The following RARB variants were observed in gnomAD, a reference collection of about 807,000 sequenced individuals.
RARB encodes retinoic acid receptor beta, also known as HBV-activated protein.
Under a neutral mutation model 51.9 loss-of-function variants are expected in RARB, and 17 were observed. The observed-to-expected ratio is 0.33, with a 90% CI of 0.22 to 0.49. The LOEUF (loss-of-function observed/expected upper bound fraction) is 0.49. RARB is among the 20% of genes least tolerant of loss of function. The probability of loss-of-function intolerance (pLI) is 0.99; values close to 1 mark genes in which losing one functional copy is unlikely to be tolerated. For synonymous variants in RARB, 215 were observed against 195.4 expected, an observed-to-expected ratio of 1.10 and a Z score of -0.84; for missense variants, 369 against 550.8, an observed-to-expected ratio of 0.67 and a Z score of 3.30.
chr3:25,490,184 G>A lies in RARB; in HGVS notation c.307-10998G>A, dbSNP rs550475355. Among the ~76,000 whole-genome samples the A allele has an allele frequency of 9.2e-5, 14 of 152,246 alleles. No homozygotes were observed. The East Asian group carries it at 2.7e-3, about 29-fold the overall frequency. ...TTTTTCCTTTTTACTCCAGGTTCGG[G>A]ATGGAACCATGTATAAGCGAGAAAA... is the stretch of plus-strand genomic sequence containing the variant. On this transcript the variant is annotated intron_variant, in intron 2 of 7. Transcript: ENST00000330688.
chr3:25,465,586 C>T (rs1010445305), intron 2 of RARB, among the ~76,000 whole-genome samples: 8 of 152,132 alleles, frequency 5.3e-5, no homozygotes, highest in African/African-American at 1.7e-4. Context: ...TGCAGCCATA[C>T]GATGGTGGTC....
chr3:25,164,119 G>A (rs1700522658), intron 4 of RARB, among the ~76,000 whole-genome samples: 1 of 152,164 alleles, frequency 6.6e-6, no homozygotes, highest in South Asian at 2.1e-4. Flanking sequence ...GAAGCATGAG[G>A]ATACAGTCTG....
chr3:25,539,938 G>A (rs1396509164), intron 3 of RARB, among the ~76,000 whole-genome samples: 1 of 151,766 alleles, frequency 6.6e-6, no homozygotes, highest in Non-Finnish European at 1.5e-5. Flanking sequence ...TCAAAAATAC[G>A]GTATTTATGG....
intron 1 of RARB, among the ~76,000 whole-genome samples, chr3:24,848,030 A>G (rs1469509006): frequency 1.3e-5 from 2 of 152,314 alleles, no homozygotes; most frequent in Non-Finnish European, 2.9e-5. Context: ...GTATCAATAC[A>G]TCTCCACTCC....
At chr3:25,014,959 A>G (rs9942010) in intron 2 of RARB, among the ~76,000 whole-genome samples, 14,807 of 152,150 alleles carry the variant, frequency 0.097, 2,345 homozygotes, top group African/African-American at 0.33. Context: ...ATTAAAACCA[A>G]TTGTATATCT....
At chr3:24,927,014 A>T (rs961388183) in intron 2 of RARB, among the ~76,000 whole-genome samples, 1 of 152,116 alleles carries the variant, frequency 6.6e-6, no homozygotes, top group South Asian at 2.1e-4. Context: ...ACTCTCAAAG[A>T]TGGAGAAGAA....
intron 1 of RARB, among the ~76,000 whole-genome samples, chr3:25,454,001 A>G (rs1694756453): frequency 1.3e-5 from 2 of 152,208 alleles, no homozygotes. Context: ...ACAGATTTGC[A>G]AAACCCATGT....
chr3:25,169,262 C>A (rs557333719), intron 4 of RARB, among the ~76,000 whole-genome samples: 4 of 151,892 alleles, frequency 2.6e-5, no homozygotes, highest in African/African-American at 9.7e-5. Flanking sequence ...ATGGGGATTC[C>A]GAAAAAAGAG....
chr3:25,351,633 C>T (rs1034047307), intron 5 of RARB, among the ~76,000 whole-genome samples: 13 of 152,132 alleles, frequency 8.5e-5, no homozygotes, highest in African/African-American at 2.9e-4. Context: ...GACACTTGGG[C>T]GTTTTCAAAA....
intron 3 of RARB, among the ~76,000 whole-genome samples, chr3:25,125,124 G>C (rs773880222): frequency 2.8e-4 from 42 of 152,078 alleles, no homozygotes; most frequent in Non-Finnish European, 5.4e-4. Flanking sequence ...AAAAAATATT[G>C]ATTTTTTTCT....
At chr3:25,026,332 A>G (rs1375993383) in intron 2 of RARB, among the ~76,000 whole-genome samples, 1 of 152,202 alleles carries the variant, frequency 6.6e-6, no homozygotes, top group Non-Finnish European at 1.5e-5. Flanking sequence ...AATTTTTCTT[A>G]AAGTCTTCTA....
intron 5 of RARB, among the ~76,000 whole-genome samples, chr3:25,226,435 A>G (rs1399559158): frequency 6.6e-6 from 1 of 152,174 alleles, no homozygotes; most frequent in Non-Finnish European, 1.5e-5. Flanking sequence ...ATCTCTTTTG[A>G]AAAGGGACTT....
chr3:24,974,027 C>G (rs934798517), intron 2 of RARB, among the ~76,000 whole-genome samples: 10 of 151,996 alleles, frequency 6.6e-5, no homozygotes, highest in Non-Finnish European at 1.3e-4. Context: ...TTGTCTTGTT[C>G]CAGATCTTGG....
intron 2 of RARB, among the ~76,000 whole-genome samples, chr3:24,943,360 T>C (rs556717736): frequency 1.3e-5 from 2 of 152,218 alleles, no homozygotes. Flanking sequence ...GCTCTTGTTA[T>C]CGTAAATGGA....
chr3:25,138,134 C>G (rs1700058822), intron 4 of RARB, among the ~76,000 whole-genome samples: 1 of 152,106 alleles, frequency 6.6e-6, no homozygotes, highest in Non-Finnish European at 1.5e-5. Context: ...CAGGGAGCTA[C>G]AAGCCTGCAT....
chr3:24,941,931 C>T (rs1695676731), intron 2 of RARB, among the ~76,000 whole-genome samples: 1 of 152,188 alleles, frequency 6.6e-6, no homozygotes, highest in South Asian at 2.1e-4. Flanking sequence ...CAGATTTCCT[C>T]ATGAGAAAGT....
At chr3:25,090,388 A>C (rs1559462697) in intron 3 of RARB, among the ~76,000 whole-genome samples, 1 of 152,192 alleles carries the variant, frequency 6.6e-6, no homozygotes, top group Non-Finnish European at 1.5e-5. Flanking sequence ...CTTGTTTTGC[A>C]CAAATATTTT....
intron 5 of RARB, among the ~76,000 whole-genome samples, chr3:25,378,188 A>G (rs777928141): frequency 1.3e-5 from 2 of 152,188 alleles, no homozygotes; most frequent in African/African-American, 2.4e-5. Flanking sequence ...AGACTCGGGC[A>G]TGCATGCACG....
At chr3:25,526,478 G>T (rs912039863) in intron 3 of RARB, among the ~76,000 whole-genome samples, 5 of 152,176 alleles carry the variant, frequency 3.3e-5, no homozygotes, top group Non-Finnish European at 7.4e-5. Flanking sequence ...AAGTGGGGTG[G>T]TTAGTTAAGT....
Sources: gnomAD v4.1 joint callset for allele counts (sites outside exome capture counted in the v4.1 genomes callset) on GRCh38, gnomAD v4.1.1 for gene constraint, MANE v1.5 for transcripts, NCBI Gene and HGNC (gene_info 2026-07-23, HGNC 2026-07-21) for gene names.